KDM4C: variants seen among roughly 807,000 people sequenced by gnomAD.
The protein encoded by KDM4C is lysine-specific demethylase 4C.
In KDM4C, 81 loss-of-function variants were observed where a neutral mutation model predicts 129.3. The ratio of observed to expected loss-of-function variants is 0.63; its 90% CI spans 0.52 to 0.75. The LOEUF (loss-of-function observed/expected upper bound fraction) is 0.75, where lower values mean the gene tolerates loss of function less well. Ranked by LOEUF, KDM4C falls within the 30% of genes least tolerant of loss-of-function variation. KDM4C has a pLI of 0.00. For missense variants in KDM4C, 1,457 were observed against 1,304.0 expected (o/e 1.12, Z -1.81); for synonymous variants, 573 against 456.1 (o/e 1.26, Z -3.26).
chr9:6,938,496 T>G (rs1441233801), intron 8 of KDM4C, among the ~76,000 whole-genome samples: 2 of 152,228 alleles, frequency 1.3e-5, no homozygotes, highest in African/African-American at 4.8e-5. Context: ...ACCGACCGTA[T>G]GAAGCTGTTT....
At chr9:6,872,222 G>A (rs896854072) in intron 5 of KDM4C, among the ~76,000 whole-genome samples, 1 of 152,192 alleles carries the variant, frequency 6.6e-6, no homozygotes, top group African/African-American at 2.4e-5. Flanking sequence ...AGTGACAATA[G>A]TCTAGCTGAA....
At chr9:6,806,764 G>A (rs528972297) in intron 3 of KDM4C, among the ~76,000 whole-genome samples, 1 of 152,166 alleles carries the variant, frequency 6.6e-6, no homozygotes, top group South Asian at 2.1e-4. Flanking sequence ...TCATGTCATG[G>A]CAGCTGGCTT....
intron 8 of KDM4C, among the ~76,000 whole-genome samples, chr9:6,979,158 C>A (rs1429943004): frequency 1.3e-5 from 2 of 152,108 alleles, no homozygotes; most frequent in African/African-American, 4.8e-5. Flanking sequence ...GCTTTTTTCC[C>A]CCTTTTGTCA....
intron 17 of KDM4C, among the ~76,000 whole-genome samples, chr9:7,078,497 A>G (rs928819382): frequency 1.3e-5 from 2 of 151,684 alleles, no homozygotes; most frequent in Non-Finnish European, 2.9e-5. Context: ...TTCCATATTC[A>G]TGTTCTCCTT....
intron 14 of KDM4C, among the ~76,000 whole-genome samples, chr9:7,014,830 A>G (rs1220551752): frequency 6.6e-6 from 1 of 151,926 alleles, no homozygotes; most frequent in Non-Finnish European, 1.5e-5. Flanking sequence ...TTAATTAGAG[A>G]CTACCTACTT....
At chr9:6,744,106 T>G in intron 1 of KDM4C, among the ~76,000 whole-genome samples, 1 of 59,668 alleles carries the variant, frequency 1.7e-5, no homozygotes, top group African/African-American at 6.9e-5. Context: ...TTGTTACCTC[T>G]AAGGGGTGGG....
intron 5 of KDM4C, among the ~76,000 whole-genome samples, chr9:6,861,865 A>G (rs1301539885): frequency 6.7e-6 from 1 of 150,316 alleles, no homozygotes; most frequent in African/African-American, 2.5e-5. Flanking sequence ...GCTGCCTCCC[A>G]GGTCCAAGCG....
chr9:6,801,618 GCT>G (rs147393202), intron 2 of KDM4C, among the ~76,000 whole-genome samples: 321 of 144,492 alleles, frequency 2.2e-3, no homozygotes, highest in South Asian at 2.4e-3. Flanking sequence ...GTGCAGATAT[GCT>G]CTCTCTCTCT....
chr9:6,847,744 G>A (rs774820993), intron 4 of KDM4C, among the ~76,000 whole-genome samples: 4 of 152,150 alleles, frequency 2.6e-5, no homozygotes, highest in Non-Finnish European at 4.4e-5. Context: ...GCTTCTCAGC[G>A]TGTGGCCTAA....
rs1165059441 is a variant in KDM4C at position 6,981,100 on chromosome 9, TAAG to T, written c.1100_1102del (p.Arg367del). ...GCATGGCTGCAGAGGAGGAGGAAAG[TAAG>T]AAAAGCATCCCGAAGGTAATGACCC... On this transcript the variant is annotated inframe_deletion, in exon 9 of 22. Coordinates refer to ENST00000381309, the MANE Select transcript of KDM4C (RefSeq NM_015061.6). 6.2e-7 allele frequency: 1 copy of T among 1,611,620 alleles called. No individual in the cohort carries two copies. Among genetic ancestry groups the T allele is most frequent in the East Asian group, 2.2e-5 (1 of 44,822 alleles).
At chr9:6,725,159 C>G (rs1817081129) in intron 1 of KDM4C, among the ~76,000 whole-genome samples, 1 of 152,076 alleles carries the variant, frequency 6.6e-6, no homozygotes, top group African/African-American at 2.4e-5. Flanking sequence ...AATGTGATCC[C>G]CTTATCCTTG....
rs559846157 is a variant in KDM4C at position 6,737,533 on chromosome 9, A to T, written c.49+16536A>T. On this transcript the variant is annotated intron_variant, in intron 1 of 17. Transcript: ENST00000536108. ...ACAAAAATTAGCTGGGCATGGTGGCAGGCACCTGTAATCCCAGTTACTTGG... is the reference window on the plus strand; with the variant it reads ...ACAAAAATTAGCTGGGCATGGTGGCTGGCACCTGTAATCCCAGTTACTTGG... Among the ~76,000 whole-genome samples the T allele has an allele frequency of 2.0e-5, 3 of 151,714 alleles. No homozygotes were observed. The East Asian group carries it at 5.8e-4, about 30-fold the overall frequency.
chr9:6,829,224 G>T (rs1465750616), intron 4 of KDM4C, among the ~76,000 whole-genome samples: 1 of 152,166 alleles, frequency 6.6e-6, no homozygotes, highest in Non-Finnish European at 1.5e-5. Context: ...AAGATTACTG[G>T]GCACTGGCAA....
At chr9:6,916,885 G>A (rs775534007) in intron 8 of KDM4C, among the ~76,000 whole-genome samples, 8 of 152,182 alleles carry the variant, frequency 5.3e-5, no homozygotes, top group Non-Finnish European at 1.2e-4. Flanking sequence ...TCTGTGCTTG[G>A]TGGATGGACA....
intron 5 of KDM4C, among the ~76,000 whole-genome samples, chr9:6,851,017 A>G (rs1210326766): frequency 1.3e-5 from 2 of 151,816 alleles, no homozygotes; most frequent in African/African-American, 4.8e-5. Flanking sequence ...GGCCTCCCAA[A>G]GTGCTGAAAT....
chr9:6,926,870 CT>C (rs1246677154), intron 8 of KDM4C, among the ~76,000 whole-genome samples: 2 of 152,118 alleles, frequency 1.3e-5, no homozygotes, highest in African/African-American at 4.8e-5. Flanking sequence ...CATTACTGTC[CT>C]TTAATTGTTG....
At chr9:6,998,616 C>G (rs933456667) in intron 12 of KDM4C, among the ~76,000 whole-genome samples, 3 of 152,048 alleles carry the variant, frequency 2.0e-5, no homozygotes, top group Non-Finnish European at 4.4e-5. Flanking sequence ...GTTAACATCG[C>G]AAAACCCTGC....
intron 5 of KDM4C, among the ~76,000 whole-genome samples, chr9:6,877,159 C>T (rs1843687702): frequency 6.6e-6 from 1 of 152,114 alleles, no homozygotes; most frequent in Admixed American, 6.5e-5. Flanking sequence ...AGTGATTCTG[C>T]CTCTGTAATG....
At chr9:7,135,372 C>T (rs1841087542) in intron 19 of KDM4C, among the ~76,000 whole-genome samples, 1 of 152,186 alleles carries the variant, frequency 6.6e-6, no homozygotes, top group African/African-American at 2.4e-5. Context: ...GCACTTCCTT[C>T]CCACTTTTTT....
Sources: allele counts gnomAD v4.1 joint callset (sites outside exome capture counted in the v4.1 genomes callset), GRCh38; gene constraint gnomAD v4.1.1; transcripts MANE v1.5; gene names NCBI Gene and HGNC (gene_info 2026-07-23, HGNC 2026-07-21).